Variants in RBPJ observed in about 807,000 individuals in gnomAD.
RBPJ encodes the protein recombination signal binding protein for immunoglobulin kappa J region, also known as recombining binding protein suppressor of hairless.
In RBPJ, 9 loss-of-function variants were observed where a neutral mutation model predicts 67.8. That is an observed-to-expected ratio of 0.13 (90% CI 0.08 to 0.23). The LOEUF is 0.23. Ranked by LOEUF, RBPJ falls within the 10% of genes least tolerant of loss-of-function variation. The probability of loss-of-function intolerance (pLI) is 1.00; values close to 1 mark genes in which losing one functional copy is unlikely to be tolerated. For missense variants in RBPJ, 305 were observed against 595.6 expected (o/e 0.51, Z 5.08); for synonymous variants, 198 against 203.3 (o/e 0.97, Z 0.22).
the RBPJ span, among the ~76,000 whole-genome samples, chr4:26,125,151 C>T: frequency 1.2e-4 from 18 of 152,188 alleles, no homozygotes; most frequent in African/African-American, 3.9e-4. Flanking sequence ...TTGCTCACAT[C>T]CTATTGGCCA....
At chr4:26,398,282 C>G (rs1170943957) in intron 2 of RBPJ, among the ~76,000 whole-genome samples, 2 of 152,146 alleles carry the variant, frequency 1.3e-5, no homozygotes, top group Non-Finnish European at 2.9e-5. Flanking sequence ...TTCCCTCTCT[C>G]CCACACTCCC....
At chr4:26,406,843 T>C (rs1733470770) in intron 3 of RBPJ, among the ~76,000 whole-genome samples, 1 of 152,254 alleles carries the variant, frequency 6.6e-6, no homozygotes, top group Non-Finnish European at 1.5e-5. Context: ...TGCCCAGACA[T>C]GCCTGAATAA....
chr4:26,300,165 A>T (rs531752521), intron 1 of RBPJ, among the ~76,000 whole-genome samples: 1 of 151,594 alleles, frequency 6.6e-6, no homozygotes, highest in Non-Finnish European at 1.5e-5. Context: ...AAATCACTTG[A>T]ATTTTGGGAG....
At chr4:26,232,577 G>A (rs1719326457) in intron 1 of RBPJ, among the ~76,000 whole-genome samples, 1 of 152,154 alleles carries the variant, frequency 6.6e-6, no homozygotes, top group African/African-American at 2.4e-5. Flanking sequence ...AAATGCACTT[G>A]GGAGTCTTAG....
rs1721425234 is a variant in RBPJ, at chr4:26,285,285, T to C, written c.-166-77161T>C. ...CCGCCCCCACCCCCGCCACTTACCA[T>C]GGTGATAACTGGGCCCCAGTGTTAT... On this transcript the variant is annotated intron_variant, in intron 1 of 4. Transcript: ENST00000512351. Among the ~76,000 whole-genome samples, 5 of 102,052 alleles carry C rather than the reference T, an allele frequency of 4.9e-5. No homozygotes were observed. The Admixed American group carries it at 8.0e-4, about 16-fold the overall frequency. The allele number at this position is 102,052 out of a possible 152,430, so 67.0% of individuals were successfully genotyped here.
intron 1 of RBPJ, among the ~76,000 whole-genome samples, chr4:26,230,943 C>T (rs575524182): frequency 9.9e-5 from 15 of 152,234 alleles, no homozygotes; most frequent in South Asian, 2.1e-4. Flanking sequence ...ATTTTTAGCA[C>T]GTCACCCAGA....
At chr4:26,240,053 C>T (rs913850802) in intron 1 of RBPJ, among the ~76,000 whole-genome samples, 42 of 152,270 alleles carry the variant, frequency 2.8e-4, no homozygotes, top group Middle Eastern at 3.4e-3. Flanking sequence ...AGCAAAGTTC[C>T]GTGTGAGCAA....
chr4:26,267,645 T>C (rs1017379038), intron 1 of RBPJ, among the ~76,000 whole-genome samples: 5 of 152,182 alleles, frequency 3.3e-5, no homozygotes, highest in Non-Finnish European at 5.9e-5. Flanking sequence ...GGAGTCTCTG[T>C]CACCCAGGCT....
At chr4:26,246,109 C>T (rs1464622266) in intron 1 of RBPJ, among the ~76,000 whole-genome samples, 1 of 152,160 alleles carries the variant, frequency 6.6e-6, no homozygotes, top group Non-Finnish European at 1.5e-5. Flanking sequence ...AAACCAGCAG[C>T]CATTTTGATA....
chr4:26,107,327 T>G, the RBPJ span, among the ~76,000 whole-genome samples: 1 of 152,170 alleles, frequency 6.6e-6, no homozygotes, highest in African/African-American at 2.4e-5. Context: ...AGGTAACTCA[T>G]GTTTTCTCAA....
At chr4:26,131,657 G>T in the RBPJ span, among the ~76,000 whole-genome samples, 2 of 152,198 alleles carry the variant, frequency 1.3e-5, no homozygotes, top group African/African-American at 2.4e-5. Flanking sequence ...ATCCATGTGG[G>T]CCCTAAATGT....
intron 1 of RBPJ, among the ~76,000 whole-genome samples, chr4:26,263,582 T>C (rs1024242051): frequency 1.3e-5 from 2 of 152,214 alleles, no homozygotes; most frequent in African/African-American, 4.8e-5. Context: ...TTTTTGGTTG[T>C]TGTTTTTGAG....
At chr4:26,235,300 A>G (rs947744901) in intron 1 of RBPJ, among the ~76,000 whole-genome samples, 2 of 152,226 alleles carry the variant, frequency 1.3e-5, no homozygotes, top group South Asian at 2.1e-4. Flanking sequence ...CATAATGATT[A>G]CAACGTAGGT....
intron 1 of RBPJ, among the ~76,000 whole-genome samples, chr4:26,169,046 C>A (rs1361448939): frequency 6.6e-6 from 1 of 152,202 alleles, no homozygotes; most frequent in Admixed American, 6.5e-5. Context: ...GTAGTTTGAT[C>A]GTCTGAAGCT....
At chr4:26,200,915 T>A (rs781622295) in intron 1 of RBPJ, among the ~76,000 whole-genome samples, 2 of 152,186 alleles carry the variant, frequency 1.3e-5, no homozygotes, top group Non-Finnish European at 2.9e-5. Context: ...CTACCTAGAT[T>A]GTAGATAGTG....
intron 1 of RBPJ, among the ~76,000 whole-genome samples, chr4:26,205,624 A>G (rs1164582015): frequency 6.7e-6 from 1 of 148,940 alleles, no homozygotes. Flanking sequence ...ATAGAGTCTT[A>G]CTCTATTGCC....
At chr4:26,129,726 C>T in the RBPJ span, among the ~76,000 whole-genome samples, 477 of 152,202 alleles carry the variant, frequency 3.1e-3, 1 homozygote, top group African/African-American at 0.011. Context: ...AATGGCAACC[C>T]GGCCTGTTCA....
chr4:26,258,791 ATTAT>A (rs140692847), intron 1 of RBPJ, among the ~76,000 whole-genome samples: 127,168 of 148,554 alleles, frequency 0.86, 55,441 homozygotes, highest in East Asian at 0.99. Context: ...ACATTTTTTT[ATTAT>A]TTATTTATTT....
Position 26,191,425 on chromosome 4 carries a change from AG to A in RBPJ, c.-167+27813del, listed in dbSNP as rs544176957. ...TCAATCTATTATCTACCCCCATCCC[AG>A]GTAACATCTGCATTGGGAGTGACCA... On this transcript the variant is annotated intron_variant, in intron 1 of 4. Transcript: ENST00000512351. 1.1e-3 allele frequency among the ~76,000 whole-genome samples: 173 copies of A among 151,886 alleles called. 1 individual carries two copies. Among genetic ancestry groups the A allele is most frequent in the African/African-American group, 4.0e-3 (167 of 41,420 alleles).
Sources: gnomAD v4.1 joint callset for allele counts (sites outside exome capture counted in the v4.1 genomes callset) on GRCh38, gnomAD v4.1.1 for gene constraint, MANE v1.5 for transcripts, NCBI Gene and HGNC (gene_info 2026-07-23, HGNC 2026-07-21) for gene names.